Variants in NPAS3 observed in about 807,000 individuals in gnomAD.
NPAS3 encodes the protein neuronal PAS domain protein 3, also known as neuronal PAS domain-containing protein 3.
Under a neutral mutation model 73.1 loss-of-function variants are expected in NPAS3, and 14 were observed. The observed-to-expected ratio is 0.19, with a 90% CI of 0.13 to 0.30. NPAS3 has a LOEUF of 0.30. NPAS3 is among the 10% of genes least tolerant of loss of function. The pLI, the probability that NPAS3 is intolerant of heterozygous loss-of-function variation, is 1.00. For missense variants in NPAS3, 1,096 were observed against 1,250.0 expected (o/e 0.88, Z 1.86); for synonymous variants, 620 against 541.5 (o/e 1.14, Z -2.01).
chr14:33,040,397 C>G (rs1008167199), intron 1 of NPAS3, among the ~76,000 whole-genome samples: 3 of 152,114 alleles, frequency 2.0e-5, no homozygotes, highest in African/African-American at 7.2e-5. Flanking sequence ...TTTCCAAAAA[C>G]ATCTTGATAT....
chr14:33,301,393 C>G (rs1335834963), intron 3 of NPAS3, among the ~76,000 whole-genome samples: 1 of 146,970 alleles, frequency 6.8e-6, no homozygotes, highest in Non-Finnish European at 1.5e-5. Flanking sequence ...CAGGGGCCTC[C>G]AAGCCTCTAG....
chr14:33,498,084 T>A (rs2052302519), intron 4 of NPAS3, among the ~76,000 whole-genome samples: 1 of 152,016 alleles, frequency 6.6e-6, no homozygotes, highest in South Asian at 2.1e-4. Flanking sequence ...AACAAACATA[T>A]GAAAAAAAGC....
At chr14:33,126,903 C>CA (rs1038516105) in intron 2 of NPAS3, among the ~76,000 whole-genome samples, 1 of 152,030 alleles carries the variant, frequency 6.6e-6, no homozygotes, top group African/African-American at 2.4e-5. Flanking sequence ...TTGTTGATTA[C>CA]AAAAATACAT....
chr14:33,607,584 G>A (rs529685664), intron 5 of NPAS3, among the ~76,000 whole-genome samples: 1 of 152,284 alleles, frequency 6.6e-6, no homozygotes, highest in African/African-American at 2.4e-5. Flanking sequence ...TTCATTGTTT[G>A]TGATTGTATA....
At chr14:33,028,028 A>G (rs544248563) in intron 1 of NPAS3, among the ~76,000 whole-genome samples, 3 of 152,182 alleles carry the variant, frequency 2.0e-5, no homozygotes, top group Non-Finnish European at 2.9e-5. Context: ...CTTAACACAT[A>G]GTTACTCATA....
intron 3 of NPAS3, among the ~76,000 whole-genome samples, chr14:33,360,507 G>A (rs1343628932): frequency 6.6e-6 from 1 of 152,112 alleles, no homozygotes; most frequent in East Asian, 1.9e-4. Context: ...TGTATAAAGG[G>A]AATTAAATAG....
intron 2 of NPAS3, among the ~76,000 whole-genome samples, chr14:33,198,290 T>C (rs923430722): frequency 3.3e-5 from 5 of 152,022 alleles, no homozygotes; most frequent in Non-Finnish European, 7.4e-5. Context: ...AGCCTGCTTT[T>C]AATTCCCTTA....
chr14:33,097,374 CATT>C (rs754467336), intron 2 of NPAS3, among the ~76,000 whole-genome samples: 12 of 152,130 alleles, frequency 7.9e-5, no homozygotes, highest in East Asian at 1.9e-4. Flanking sequence ...ATGTGTATAT[CATT>C]GTTGTTTGTT....
chr14:33,194,492 A>T (rs2046280928), intron 2 of NPAS3, among the ~76,000 whole-genome samples: 1 of 152,210 alleles, frequency 6.6e-6, no homozygotes, highest in African/African-American at 2.4e-5. Flanking sequence ...CAGTGTTTAT[A>T]CTATTAAAAA....
At chr14:33,282,391 A>G (rs1196337886) in intron 3 of NPAS3, among the ~76,000 whole-genome samples, 2 of 152,206 alleles carry the variant, frequency 1.3e-5, no homozygotes, top group African/African-American at 2.4e-5. Context: ...TTAAAACCGC[A>G]GAGGCATGGG....
chr14:33,558,471 G>A (rs1342901420), intron 4 of NPAS3, among the ~76,000 whole-genome samples: 1 of 152,086 alleles, frequency 6.6e-6, no homozygotes, highest in Non-Finnish European at 1.5e-5. Context: ...TGTTGGCCAT[G>A]CTGGTCTTGA....
At chr14:33,504,847 G>A (rs1462363756) in intron 4 of NPAS3, among the ~76,000 whole-genome samples, 1 of 152,116 alleles carries the variant, frequency 6.6e-6, no homozygotes, top group East Asian at 1.9e-4. Context: ...CATGCTATGG[G>A]ATTCTACGTG....
chr14:33,486,898 A>G (rs1261652450), intron 4 of NPAS3, among the ~76,000 whole-genome samples: 2 of 152,198 alleles, frequency 1.3e-5, no homozygotes, highest in Non-Finnish European at 2.9e-5. Context: ...CCTGTTCAGC[A>G]ATTTTCAAGC....
intron 5 of NPAS3, among the ~76,000 whole-genome samples, chr14:33,574,507 G>A (rs534913100): frequency 6.6e-6 from 1 of 152,248 alleles, no homozygotes; most frequent in South Asian, 2.1e-4. Context: ...GGCTTGCGGG[G>A]CCAGAGGTCC....
chr14:33,618,393 G>A (rs1211039613), intron 5 of NPAS3, among the ~76,000 whole-genome samples: 1 of 152,124 alleles, frequency 6.6e-6, no homozygotes, highest in African/African-American at 2.4e-5. Flanking sequence ...ATCTGGGAGT[G>A]ACAGAATCAT....
At chr14:33,313,817 G>A (rs1008412195) in intron 3 of NPAS3, among the ~76,000 whole-genome samples, 1 of 151,988 alleles carries the variant, frequency 6.6e-6, no homozygotes, top group Admixed American at 6.6e-5. Flanking sequence ...TTCGAAAATA[G>A]CAATCTCTAT....
chr14:33,132,545 A>G (rs1162240471), intron 2 of NPAS3, among the ~76,000 whole-genome samples: 1 of 152,128 alleles, frequency 6.6e-6, no homozygotes, highest in Non-Finnish European at 1.5e-5. Flanking sequence ...AATCATCAAG[A>G]GGCACCAAGT....
intron 5 of NPAS3, among the ~76,000 whole-genome samples, chr14:33,671,281 G>A (rs1180837508): frequency 6.6e-6 from 1 of 151,956 alleles, no homozygotes; most frequent in Non-Finnish European, 1.5e-5. Flanking sequence ...CTTGCTTGAT[G>A]TATGAAAAGA....
At chr14:32,983,847 G>T (rs189486813) in intron 1 of NPAS3, among the ~76,000 whole-genome samples, 49 of 152,118 alleles carry the variant, frequency 3.2e-4, no homozygotes, top group African/African-American at 1.2e-3. Context: ...TCAACCTCCT[G>T]AGTAGCTGGG....
Sources: allele counts gnomAD v4.1 joint callset (sites outside exome capture counted in the v4.1 genomes callset), GRCh38; gene constraint gnomAD v4.1.1; transcripts MANE v1.5; gene names NCBI Gene and HGNC (gene_info 2026-07-23, HGNC 2026-07-21).